The following RALY variants were observed in gnomAD, a reference collection of about 807,000 sequenced individuals.
RALY encodes the protein RNA-binding protein Raly.
A neutral mutation model predicts 30.7 loss-of-function variants in RALY; 15 were observed. The ratio of observed to expected loss-of-function variants is 0.49; its 90% CI spans 0.33 to 0.75. The LOEUF (loss-of-function observed/expected upper bound fraction) is 0.75. Ranked by LOEUF, RALY falls within the 30% of genes least tolerant of loss-of-function variation. RALY has a pLI of 0.02. For synonymous variants in RALY, 177 were observed against 170.8 expected (o/e 1.04, Z -0.28); for missense variants, 339 against 414.3 (o/e 0.82, Z 1.58).
chr20:34,040,273 C>G (rs569778242), intron 2 of RALY, among the ~76,000 whole-genome samples: 3 of 152,252 alleles, frequency 2.0e-5, no homozygotes, highest in South Asian at 4.1e-4. Context: ...TTTTTCCCCT[C>G]TAGAGCCAAG....
chr20:34,070,690 T>TTAA (rs2122280732), intron 2 of RALY, among the ~76,000 whole-genome samples: 1 of 152,322 alleles, frequency 6.6e-6, no homozygotes, highest in African/African-American at 2.4e-5. Flanking sequence ...TACTAGTAAG[T>TTAA]TAATGAACTT....
At chr20:34,048,595 G>A (rs1418628218) in intron 2 of RALY, among the ~76,000 whole-genome samples, 1 of 152,098 alleles carries the variant, frequency 6.6e-6, no homozygotes, top group African/African-American at 2.4e-5. Flanking sequence ...GGTGGCTCAC[G>A]CCTGTAATCC....
At chr20:34,075,749 C>T (rs2033855957) in intron 5 of RALY, 125 bp from the exon 6 acceptor site, 1 of 1,088,982 alleles carries the variant, frequency 9.2e-7, no homozygotes, top group Admixed American at 2.8e-5. Context: ...TGCTAGGAGC[C>T]AGCAGAGGTG....
intron 1 of RALY, among the ~76,000 whole-genome samples, chr20:34,023,187 A>G (rs1159891808): frequency 6.6e-6 from 1 of 152,194 alleles, no homozygotes; most frequent in East Asian, 1.9e-4. Context: ...CCCCTCATTT[A>G]TCTTCACTAT....
chr20:34,050,686 C>G (rs2033048199), intron 2 of RALY, among the ~76,000 whole-genome samples: 1 of 152,182 alleles, frequency 6.6e-6, no homozygotes. Flanking sequence ...CTTGCCATCC[C>G]ATATAATGGG....
chr20:33,994,345 C>G (rs1003710552), intron 1 of RALY: 4 of 152,948 alleles, frequency 2.6e-5, no homozygotes, highest in Non-Finnish European at 5.8e-5. Flanking sequence ...GGCCCCAGCC[C>G]TCCGCGCCCG....
Position 34,018,211 on chromosome 20 carries a change from T to C in RALY, c.-92-13311T>C, listed in dbSNP as rs142557894. 3.7e-3 allele frequency among the ~76,000 whole-genome samples: 568 copies of C among 152,314 alleles called. 2 individuals are homozygous for C. The highest frequency in any genetic ancestry group is 5.7e-3 in the Non-Finnish European group (390 of 68,024). ...AGATTTAAGGTTGTAGTAGTAGCCA[T>C]TGGATGGCAGTAATGCAGGTGCAGC... On this transcript the variant is annotated intron_variant, in intron 1 of 9. Coordinates refer to ENST00000246194, the MANE Select transcript of RALY (RefSeq NM_016732.3).
In RALY at chr20:34,009,387, C is replaced by T. The variant is rs548464367; in HGVS notation, c.-93+15256C>T. 8.5e-5 allele frequency among the ~76,000 whole-genome samples: 13 copies of T among 152,054 alleles called. No individual in the cohort carries two copies. In the East Asian group the frequency reaches 1.6e-3, roughly 18 times the overall value. Reference sequence around the variant, plus strand: ...CCAACTAGCTGGGACTACAGGTGCGCGCCACCATGCCTGGCTAATTTTGTA... The same window carrying T: ...CCAACTAGCTGGGACTACAGGTGCGTGCCACCATGCCTGGCTAATTTTGTA... On this transcript the variant is annotated intron_variant, in intron 1 of 9. Coordinates refer to ENST00000246194, the MANE Select transcript of RALY (RefSeq NM_016732.3).
chr20:34,003,549 C>T (rs983363939), intron 1 of RALY, among the ~76,000 whole-genome samples: 4 of 150,822 alleles, frequency 2.7e-5, no homozygotes, highest in East Asian at 1.9e-4. Flanking sequence ...AACTGTTCAG[C>T]GGGAACAGTG....
At position 34,076,806 on chromosome 20, in the gene RALY, G is replaced by T; in HGVS notation, c.649G>T (p.Ala217Ser). ...GGAGCAGATCGCTGCGGAGCAAAAG[G>T]CCAATCCAGGTCAGCCTCTGAGGAT... ...RLEQIAAEQK[A>S]NPDGKKKGDG... Residue 217 changes from alanine (A) to serine (S), a missense_variant, in exon 7 of 10, where the codon GCC (alanine) becomes TCC (serine). Transcript: ENST00000246194. 6.2e-7 allele frequency: 1 copy of T among 1,613,872 alleles called. No homozygotes were observed. Among genetic ancestry groups the T allele is most frequent in the Non-Finnish European group, 8.5e-7 (1 of 1,179,950 alleles).
chr20:34,006,513 T>G (rs571166269), intron 1 of RALY, among the ~76,000 whole-genome samples: 93 of 152,378 alleles, frequency 6.1e-4, no homozygotes, highest in Non-Finnish European at 1.1e-3. Flanking sequence ...ACATGGTTCT[T>G]AAGTCTTCAA....
intron 4 of RALY, 58 bp downstream of exon 4, chr20:34,073,693 G>A: frequency 1.9e-6 from 3 of 1,541,452 alleles, no homozygotes; most frequent in African/African-American, 1.4e-5. Flanking sequence ...TCCACAGAGG[G>A]AGTAAATGCT....
intron 1 of RALY, among the ~76,000 whole-genome samples, chr20:34,009,950 C>T (rs2031327727): frequency 6.6e-6 from 1 of 152,108 alleles, no homozygotes; most frequent in African/African-American, 2.4e-5. Flanking sequence ...AGAGACTTTA[C>T]CTAGTTAAGG....
chr20:34,004,541 C>A (rs1294839115), intron 1 of RALY, among the ~76,000 whole-genome samples: 1 of 152,214 alleles, frequency 6.6e-6, no homozygotes, highest in Non-Finnish European at 1.5e-5. Flanking sequence ...TATCCATATT[C>A]CTGCTAATGA....
At chr20:34,006,675 C>T (rs1433181481) in intron 1 of RALY, among the ~76,000 whole-genome samples, 5 of 152,092 alleles carry the variant, frequency 3.3e-5, no homozygotes, top group South Asian at 4.2e-4. Context: ...TGCACAAATC[C>T]TTATCATTAT....
chr20:34,068,366 G>T (rs1248903415), intron 2 of RALY, among the ~76,000 whole-genome samples: 1 of 152,208 alleles, frequency 6.6e-6, no homozygotes, highest in Non-Finnish European at 1.5e-5. Flanking sequence ...GGGTGGGAGG[G>T]ATTGAGTTGG....
chr20:34,001,386 C>G (rs565394709), intron 1 of RALY, among the ~76,000 whole-genome samples: 2 of 152,314 alleles, frequency 1.3e-5, no homozygotes, highest in South Asian at 4.1e-4. Context: ...TTACCTGGCC[C>G]TTGAAGTGCC....
chr20:34,043,525 AT>A (rs2032772642), intron 2 of RALY, among the ~76,000 whole-genome samples: 1 of 152,236 alleles, frequency 6.6e-6, no homozygotes, highest in African/African-American at 2.4e-5. Flanking sequence ...CACAGATCTT[AT>A]TCCTGTGACT....
At chr20:34,055,234 T>C (rs1468063640) in intron 2 of RALY, among the ~76,000 whole-genome samples, 2 of 152,000 alleles carry the variant, frequency 1.3e-5, no homozygotes, top group Non-Finnish European at 2.9e-5. Context: ...CCTCAAAGAG[T>C]TGTAAGGATG....
Sources: allele counts gnomAD v4.1 joint callset (sites outside exome capture counted in the v4.1 genomes callset), GRCh38; gene constraint gnomAD v4.1.1; transcripts MANE v1.5; gene names NCBI Gene and HGNC (gene_info 2026-07-23, HGNC 2026-07-21).